The following TLK1 variants were observed in gnomAD, a reference collection of about 807,000 sequenced individuals.
TLK1 encodes serine/threonine-protein kinase tousled-like 1.
In TLK1, 24 loss-of-function variants were observed where a neutral mutation model predicts 105.3. The observed-to-expected ratio is 0.23, with a 90% confidence interval of 0.17 to 0.32. The LOEUF is 0.32. Ranked by LOEUF, TLK1 falls within the 10% of genes least tolerant of loss-of-function variation. The pLI is 1.00. For synonymous variants in TLK1, 321 were observed against 310.4 expected, an observed-to-expected ratio of 1.03 and a Z score of -0.36; for missense variants, 558 against 910.5, an observed-to-expected ratio of 0.61 and a Z score of 4.98.
chr2:170,993,819 T>G lies in TLK1; in HGVS notation c.2262A>C (p.Ala754=), dbSNP rs3731993. The change falls in exon 21 of 21, where the codon GCA becomes GCC. Residue 754 remains alanine, a synonymous_variant. Transcript: ENST00000431350. ...SGNLHMAGLT[A]SPTPPSSSII... The stretch of plus-strand genomic sequence containing the variant: ...TGCTTGAAGAAGGGGGTGTAGGGGA[T>G]GCTGTCAGCCCAGCCATGTGTAGGT... 61,743 of 1,610,202 alleles carry G rather than the reference T, an allele frequency of 0.038. 4,462 individuals carry two copies. The highest frequency in any genetic ancestry group is 0.32 in the East Asian group (14,332 of 44,486).
At chr2:171,214,622 A>C (rs1427253429) in intron 1 of TLK1, among the ~76,000 whole-genome samples, 2 of 152,182 alleles carry the variant, frequency 1.3e-5, no homozygotes, top group South Asian at 2.1e-4. Context: ...TTAAGTCTGC[A>C]GTGAGGCTGA....
rs71013021 is a variant in TLK1, at chr2:171,196,037, C to CAAAAAA, written c.-6+35102_-6+35107dup. ...TGAGTAACAGAGTGAGACTCTGTAT[C>CAAAAAA]AAAAAAAAAAAAAAAGAAAGAAAGA... On this transcript the variant is annotated intron_variant, in intron 1 of 20. Transcript: ENST00000521943. 5.8e-3 allele frequency among the ~76,000 whole-genome samples: 638 copies of CAAAAAA among 110,896 alleles called. 8 individuals are homozygous for CAAAAAA. The highest frequency in any genetic ancestry group is 0.013 in the African/African-American group (383 of 29,148). The allele number at this position is 110,896 out of a possible 152,430, so 72.8% of individuals were successfully genotyped here.
intron 12 of TLK1, among the ~76,000 whole-genome samples, chr2:171,026,240 C>G (rs549552580): frequency 2.6e-5 from 4 of 151,908 alleles, no homozygotes; most frequent in Non-Finnish European, 5.9e-5. Flanking sequence ...GAGGAAAATA[C>G]GAAGGTTAGA....
intron 2 of TLK1, among the ~76,000 whole-genome samples, chr2:171,087,826 CTG>C (rs1223250541): frequency 6.6e-6 from 1 of 152,198 alleles, no homozygotes; most frequent in Non-Finnish European, 1.5e-5. Context: ...TAGGAGAACT[CTG>C]TACTAAGATG....
At chr2:171,110,355 G>A (rs778245330) in intron 2 of TLK1, among the ~76,000 whole-genome samples, 23 of 152,216 alleles carry the variant, frequency 1.5e-4, no homozygotes, top group Non-Finnish European at 2.1e-4. Context: ...TGTAATCCCA[G>A]CTACTCGGGA....
chr2:171,081,350 CAT>C (rs1267260368), intron 3 of TLK1, among the ~76,000 whole-genome samples: 1 of 152,082 alleles, frequency 6.6e-6, no homozygotes, highest in African/African-American at 2.4e-5. Flanking sequence ...TCAAAAATAT[CAT>C]ATTTAGTGAA....
At chr2:171,080,929 G>A (rs571855502) in intron 3 of TLK1, among the ~76,000 whole-genome samples, 7 of 151,982 alleles carry the variant, frequency 4.6e-5, no homozygotes, top group African/African-American at 9.7e-5. Flanking sequence ...GGCTGGTCTC[G>A]AACTCCTGGT....
chr2:171,093,425 T>A (rs1414649299), intron 2 of TLK1, among the ~76,000 whole-genome samples: 1 of 151,822 alleles, frequency 6.6e-6, no homozygotes, highest in East Asian at 1.9e-4. Context: ...ATTCAAAGAG[T>A]GATGCATCTG....
chr2:171,175,245 C>T (rs1206509515), intron 1 of TLK1, among the ~76,000 whole-genome samples: 2 of 151,960 alleles, frequency 1.3e-5, no homozygotes, highest in East Asian at 1.9e-4. Context: ...AAAGTACACT[C>T]AGCCCTCCGT....
At chr2:171,156,377 T>A (rs1277637545) in intron 1 of TLK1, among the ~76,000 whole-genome samples, 1 of 152,244 alleles carries the variant, frequency 6.6e-6, no homozygotes, top group Non-Finnish European at 1.5e-5. Context: ...CAGTTTAAAT[T>A]AATAAATATA....
chr2:171,055,652 C>T (rs1336613945), intron 6 of TLK1, among the ~76,000 whole-genome samples: 2 of 151,996 alleles, frequency 1.3e-5, no homozygotes, highest in Non-Finnish European at 2.9e-5. Context: ...CAGATTATAA[C>T]ATTGTATCAG....
At position 171,136,371 on chromosome 2, in the gene TLK1, G is replaced by A. The variant is rs547738894; in HGVS notation, c.140-18514C>T. On this transcript the variant is annotated intron_variant, in intron 1 of 20. Coordinates refer to ENST00000431350, the MANE Select transcript of TLK1 (RefSeq NM_012290.5). ...GTGTAAAGTTACAGTTTGACAAAAC[G>A]AAAACATTCTGGAGATTAGCTGCAC... 5.9e-5 allele frequency among the ~76,000 whole-genome samples: 9 copies of A among 152,242 alleles called. No homozygotes were observed. The South Asian group carries it at 1.5e-3, about 25-fold the overall frequency.
chr2:171,152,446 T>G (rs1178893171), intron 1 of TLK1, among the ~76,000 whole-genome samples: 1 of 152,196 alleles, frequency 6.6e-6, no homozygotes, highest in Non-Finnish European at 1.5e-5. Flanking sequence ...ACTGATAAAT[T>G]CCTATCAATC....
At chr2:171,019,302 A>G (rs1024953435) in intron 12 of TLK1, among the ~76,000 whole-genome samples, 3 of 152,188 alleles carry the variant, frequency 2.0e-5, no homozygotes, top group Admixed American at 2.0e-4. Context: ...TTTCTGTAAA[A>G]TTCCAGGTTA....
chr2:171,136,317 C>G (rs1477472352), intron 1 of TLK1, among the ~76,000 whole-genome samples: 1 of 152,244 alleles, frequency 6.6e-6, no homozygotes, highest in East Asian at 1.9e-4. Flanking sequence ...GGCCTAGGGG[C>G]AGAGGGGAAT....
intron 1 of TLK1, among the ~76,000 whole-genome samples, chr2:171,176,853 A>T (rs191963950): frequency 0.041 from 6,103 of 148,372 alleles, 399 homozygotes; most frequent in African/African-American, 0.14. Context: ...TTTTTTTTTT[A>T]AAACAGTCTC....
chr2:171,093,033 C>T (rs1689302446), intron 2 of TLK1, among the ~76,000 whole-genome samples: 1 of 152,078 alleles, frequency 6.6e-6, no homozygotes, highest in Non-Finnish European at 1.5e-5. Flanking sequence ...CAAAATTTTC[C>T]CCCAGTACTC....
intron 2 of TLK1, among the ~76,000 whole-genome samples, chr2:171,110,596 G>A (rs1054114942): frequency 5.3e-5 from 8 of 152,156 alleles, no homozygotes; most frequent in Admixed American, 6.5e-5. Context: ...ATTATGATAA[G>A]TTAAAAGAAG....
At chr2:171,136,693 G>A (rs1691341488) in intron 1 of TLK1, among the ~76,000 whole-genome samples, 1 of 152,088 alleles carries the variant, frequency 6.6e-6, no homozygotes, top group African/African-American at 2.4e-5. Context: ...TAACAATTTT[G>A]GTCCTTGACT....
Sources: allele counts gnomAD v4.1 joint callset (sites outside exome capture counted in the v4.1 genomes callset), GRCh38; gene constraint gnomAD v4.1.1; transcripts MANE v1.5; gene names NCBI Gene and HGNC (gene_info 2026-07-23, HGNC 2026-07-21).